The following NEK11 variants were observed in gnomAD, a reference collection of about 807,000 sequenced individuals.
NEK11 encodes serine/threonine-protein kinase Nek11.
Under a neutral mutation model 80.7 loss-of-function variants are expected in NEK11, and 72 were observed. That is an observed-to-expected ratio of 0.89 (90% CI 0.74 to 1.08). The LOEUF is 1.08. Among genes scored for constraint, NEK11 ranks in the 50% least tolerant of loss-of-function variants. NEK11 has a pLI of 0.00. For missense variants in NEK11, 764 were observed against 763.6 expected (o/e 1.00, Z -0.01); for synonymous variants, 251 against 260.7 (o/e 0.96, Z 0.36).
rs1267773906 is a variant in NEK11 at position 131,152,727 on chromosome 3, G to T, written c.876+18G>T. ...AGCTACAGGTATTTAAAATGAAAGG[G>T]ATTCTGGGAAACAGGTATGAGCATT... On this transcript the variant is annotated intron_variant, in intron 9 of 17. Transcript: ENST00000383366. 1 of 1,559,572 alleles carries T rather than the reference G, an allele frequency of 6.4e-7. No individual in the cohort carries two copies. The highest frequency in any genetic ancestry group is 8.8e-7 in the Non-Finnish European group (1 of 1,133,010).
intron 3 of NEK11, among the ~76,000 whole-genome samples, chr3:131,038,571 A>G (rs1348398100): frequency 6.6e-6 from 1 of 152,294 alleles, no homozygotes; most frequent in East Asian, 1.9e-4. Flanking sequence ...TGGCTTAGGC[A>G]GGGGGCCAAA....
chr3:131,149,452 G>T (rs2089189008), intron 7 of NEK11, among the ~76,000 whole-genome samples: 1 of 151,968 alleles, frequency 6.6e-6, no homozygotes, highest in Admixed American at 6.6e-5. Flanking sequence ...TGTCTTTATG[G>T]TAGAACGATT....
chr3:131,154,990 C>T, intron 9 of NEK11, 46 bp from the exon 10 acceptor site: 2 of 1,172,332 alleles, frequency 1.7e-6, no homozygotes, highest in Non-Finnish European at 2.5e-6. Flanking sequence ...CCTTTCATCC[C>T]TAAAGAGGAG....
At chr3:131,229,410 T>C (rs1194596418) in intron 15 of NEK11, among the ~76,000 whole-genome samples, 5 of 152,132 alleles carry the variant, frequency 3.3e-5, no homozygotes, top group African/African-American at 1.2e-4. Flanking sequence ...ACATACCTTC[T>C]TTTCTTCTTA....
At chr3:131,166,953 T>C (rs2092292235) in intron 12 of NEK11, among the ~76,000 whole-genome samples, 1 of 152,210 alleles carries the variant, frequency 6.6e-6, no homozygotes, top group Admixed American at 6.5e-5. Flanking sequence ...TTTGTCCCCC[T>C]GCAGTGCTGA....
At chr3:131,152,245 A>G (rs1277560505) in intron 7 of NEK11, 143 bp from the exon 8 acceptor site, 6 of 598,116 alleles carry the variant, frequency 1.0e-5, no homozygotes, top group Non-Finnish European at 1.7e-5. Context: ...AAAAAACTGT[A>G]TGAAACTGCA....
At chr3:131,324,506 A>T (rs2096935282) in intron 17 of NEK11, among the ~76,000 whole-genome samples, 1 of 152,218 alleles carries the variant, frequency 6.6e-6, no homozygotes. Context: ...CTTGGTAAAG[A>T]AATCTATTTT....
chr3:131,273,808 T>C (rs1280478152), intron 17 of NEK11, among the ~76,000 whole-genome samples: 2 of 152,240 alleles, frequency 1.3e-5, no homozygotes, highest in East Asian at 1.9e-4. Flanking sequence ...TTTGCACTTA[T>C]AGTATTCTTG....
chr3:131,187,839 CTAA>C lies in NEK11; in HGVS notation c.1399+16960_1399+16962del, dbSNP rs375020680. Among the ~76,000 whole-genome samples, 138 of 152,234 alleles carry C rather than the reference CTAA, an allele frequency of 9.1e-4. No individual in the cohort carries two copies. In the East Asian group the frequency reaches 0.018, roughly 19 times the overall value. On this transcript the variant is annotated intron_variant, in intron 14 of 17. Coordinates refer to ENST00000383366, the MANE Select transcript of NEK11 (RefSeq NM_024800.5). ...GAAAATAAAGTATTTCAGAGTTTAC[CTAA>C]TAATAATTCCTTCCCACAGTGAAAG... is the stretch of plus-strand genomic sequence containing the variant.
At chr3:131,277,720 G>C (rs562398383) in intron 17 of NEK11, among the ~76,000 whole-genome samples, 1 of 152,322 alleles carries the variant, frequency 6.6e-6, no homozygotes, top group East Asian at 1.9e-4. Context: ...AAGGGAAGAT[G>C]CAGGGGGCAA....
In NEK11 at chr3:131,299,777, T is replaced by G. The variant is rs541566963; in HGVS notation, c.1718+26203T>G. ...ACATTTTCTTTATCTAGTCTACCAC[T>G]GATGAACATTTAGGTTGATTCTATG... On this transcript the variant is annotated intron_variant, in intron 17 of 17. Transcript: ENST00000383366. Among the ~76,000 whole-genome samples the G allele has an allele frequency of 1.2e-4, 19 of 152,350 alleles. 1 individual carries two copies. The highest frequency in any genetic ancestry group is 4.6e-4 in the Admixed American group (7 of 15,298).
rs1579164361 is a variant in NEK11, at chr3:131,152,243, G to C, written c.648-145G>C. On this transcript the variant is annotated intron_variant, in intron 7 of 17. Transcript: ENST00000383366. ...ACATGTATTTAAATGGAAAAAAACT[G>C]TATGAAACTGCAGTTTTAAGTCAAC... 6 of 582,912 alleles carry C rather than the reference G, an allele frequency of 1.0e-5. No homozygotes were observed. In the East Asian group the frequency reaches 1.8e-4, roughly 17 times the overall value. The allele number at this position is 582,912 out of a possible 1,614,324, so 36.1% of individuals were successfully genotyped here. A position where few individuals can be genotyped will look rare whatever the true frequency, so the allele number is the denominator to read the frequency against.
At chr3:131,142,909 A>G (rs1441099289) in intron 7 of NEK11, among the ~76,000 whole-genome samples, 1 of 152,158 alleles carries the variant, frequency 6.6e-6, no homozygotes, top group Non-Finnish European at 1.5e-5. Context: ...GAGGAAAGTA[A>G]TTAGAAAGAG....
intron 3 of NEK11, among the ~76,000 whole-genome samples, chr3:131,060,292 T>G (rs950471058): frequency 6.6e-6 from 1 of 152,102 alleles, no homozygotes. Flanking sequence ...TCACATGGAG[T>G]TTTAAACATA....
At chr3:131,228,968 G>A (rs2095273909) in intron 15 of NEK11, among the ~76,000 whole-genome samples, 1 of 152,158 alleles carries the variant, frequency 6.6e-6, no homozygotes, top group South Asian at 2.1e-4. Flanking sequence ...TTCCCACTGA[G>A]GAGGGCTTCG....
chr3:131,051,419 A>G (rs2068394225), intron 3 of NEK11, among the ~76,000 whole-genome samples: 1 of 152,230 alleles, frequency 6.6e-6, no homozygotes, highest in Non-Finnish European at 1.5e-5. Context: ...TGCCAGGTCT[A>G]AAATACCCCG....
intron 14 of NEK11, 54 bp from the exon 15 acceptor site, chr3:131,228,474 C>A: frequency 6.8e-7 from 1 of 1,467,718 alleles, no homozygotes; most frequent in Non-Finnish European, 9.3e-7. Context: ...AGTATTCTTA[C>A]CTCATTATAA....
At chr3:131,052,686 T>C (rs2068641273) in intron 3 of NEK11, among the ~76,000 whole-genome samples, 1 of 152,192 alleles carries the variant, frequency 6.6e-6, no homozygotes, top group Non-Finnish European at 1.5e-5. Context: ...GAAATTATGT[T>C]GTAAAATTGT....
rs568376721 is a variant in NEK11 at position 131,045,885 on chromosome 3, G to A, written c.170+16007G>A. On this transcript the variant is annotated intron_variant, in intron 3 of 17. Transcript: ENST00000383366. ...TCCCTCTTTGTCCTTTTTAACTGCTGTTGTTTTAAAGTTTGTTTTGTCTGA... is the reference window on the plus strand; with the variant it reads ...TCCCTCTTTGTCCTTTTTAACTGCTATTGTTTTAAAGTTTGTTTTGTCTGA... Among the ~76,000 whole-genome samples the A allele has an allele frequency of 2.0e-5, 3 of 152,196 alleles. No homozygotes were observed. The South Asian group carries it at 6.2e-4, about 32-fold the overall frequency.
Sources: gnomAD v4.1 joint callset for allele counts (sites outside exome capture counted in the v4.1 genomes callset) on GRCh38, gnomAD v4.1.1 for gene constraint, MANE v1.5 for transcripts, NCBI Gene and HGNC (gene_info 2026-07-23, HGNC 2026-07-21) for gene names.